DPP6: variants seen among roughly 807,000 people sequenced by gnomAD.
The protein encoded by DPP6 is dipeptidyl peptidase like 6, also known as A-type potassium channel modulatory protein DPP6.
In DPP6, 69 loss-of-function variants were observed where a neutral mutation model predicts 122.6. The observed-to-expected ratio is 0.56, with a 90% CI of 0.46 to 0.69. DPP6 has a LOEUF of 0.69. DPP6 is among the 30% of genes least tolerant of loss of function. DPP6 has a pLI of 0.00. For synonymous variants in DPP6, 418 were observed against 433.1 expected (o/e 0.97, Z 0.43); for missense variants, 928 against 1,116.9 (o/e 0.83, Z 2.41).
intron 1 of DPP6, among the ~76,000 whole-genome samples, chr7:153,887,934 A>C (rs1371088449): frequency 6.6e-6 from 1 of 150,448 alleles, no homozygotes; most frequent in East Asian, 2.0e-4. Context: ...ATTTCTTTGC[A>C]AATTGCAACT....
chr7:153,936,529 G>T (rs1008615239), intron 1 of DPP6, among the ~76,000 whole-genome samples: 20 of 152,260 alleles, frequency 1.3e-4, no homozygotes, highest in African/African-American at 4.8e-4. Flanking sequence ...AGGAATAGCC[G>T]GGCGTGGTGG....
At chr7:153,790,716 A>G in the DPP6 span, among the ~76,000 whole-genome samples, 1 of 152,234 alleles carries the variant, frequency 6.6e-6, no homozygotes, top group African/African-American at 2.4e-5. Context: ...TGTGAACAAA[A>G]GAATATTGAA....
At chr7:153,915,487 A>G (rs2129004979) in intron 1 of DPP6, among the ~76,000 whole-genome samples, 1 of 152,350 alleles carries the variant, frequency 6.6e-6, no homozygotes, top group African/African-American at 2.4e-5. Flanking sequence ...TAGTTTTAGC[A>G]AGATCATCTT....
the DPP6 span, among the ~76,000 whole-genome samples, chr7:153,785,474 T>C: frequency 2.0e-5 from 3 of 152,162 alleles, no homozygotes; most frequent in Non-Finnish European, 2.9e-5. Flanking sequence ...TCTTACCTTT[T>C]CTATTTGTTG....
chr7:154,528,925 T>C (rs189048823), intron 3 of DPP6, among the ~76,000 whole-genome samples: 1 of 152,206 alleles, frequency 6.6e-6, no homozygotes, highest in East Asian at 1.9e-4. Context: ...AGATGCTTTG[T>C]TGGGGTGATA....
chr7:154,634,767 C>T (rs557879985), intron 5 of DPP6, among the ~76,000 whole-genome samples: 1 of 151,828 alleles, frequency 6.6e-6, no homozygotes, highest in African/African-American at 2.4e-5. Context: ...AATTGCTCTC[C>T]CCGTTTCTTA....
At position 154,620,523 on chromosome 7, in the gene DPP6, C is replaced by G. The variant is rs186215823; in HGVS notation, c.628-17298C>G. Reference sequence around the variant, plus strand: ...AAAATTTCACTACACGCAGAATTGCCAATTAGGATGGGAGGCTCAGAAATG... The same window carrying G: ...AAAATTTCACTACACGCAGAATTGCGAATTAGGATGGGAGGCTCAGAAATG... On this transcript the variant is annotated intron_variant, in intron 5 of 25. Transcript: ENST00000377770. Among the ~76,000 whole-genome samples, 216 of 152,256 alleles carry G rather than the reference C, an allele frequency of 1.4e-3. No individual in the cohort carries two copies. In the Middle Eastern group the frequency reaches 0.027, roughly 19 times the overall value.
intron 1 of DPP6, among the ~76,000 whole-genome samples, chr7:154,374,161 A>T (rs1406773107): frequency 6.8e-6 from 1 of 146,842 alleles, no homozygotes; most frequent in East Asian, 1.9e-4. Flanking sequence ...TTTTGGAGTT[A>T]GACAGACTCC....
At chr7:154,305,685 T>C (rs1311702913) in intron 1 of DPP6, 3 of 1,336,100 alleles carry the variant, frequency 2.2e-6, no homozygotes, top group Non-Finnish European at 2.0e-6. Context: ...TTTGTATTGG[T>C]TTATGACTGT....
At chr7:153,982,500 A>T (rs1016258321) in intron 1 of DPP6, among the ~76,000 whole-genome samples, 1 of 151,954 alleles carries the variant, frequency 6.6e-6, no homozygotes, top group Admixed American at 6.6e-5. Context: ...ATGCTCCTTT[A>T]GCTCAGAGGA....
the DPP6 span, among the ~76,000 whole-genome samples, chr7:153,872,618 A>C: frequency 1.3e-5 from 2 of 152,210 alleles, no homozygotes; most frequent in Non-Finnish European, 2.9e-5. Flanking sequence ...CCATGTATAT[A>C]AGTATTTTAC....
chr7:153,822,284 A>G, the DPP6 span, among the ~76,000 whole-genome samples: 1 of 148,170 alleles, frequency 6.7e-6, no homozygotes, highest in African/African-American at 2.5e-5. Flanking sequence ...CCACCTCCCA[A>G]CTTCACGCAA....
chr7:154,080,973 T>A (rs1803957411), intron 1 of DPP6, among the ~76,000 whole-genome samples: 1 of 152,104 alleles, frequency 6.6e-6, no homozygotes, highest in African/African-American at 2.4e-5. Flanking sequence ...GTAAAACAGC[T>A]GAAGCTAAAT....
chr7:154,224,176 A>G (rs924021922), intron 1 of DPP6, among the ~76,000 whole-genome samples: 1 of 148,742 alleles, frequency 6.7e-6, no homozygotes, highest in African/African-American at 2.6e-5. Context: ...GGTTGAGTGG[A>G]GAGAAATGGA....
intron 7 of DPP6, among the ~76,000 whole-genome samples, chr7:154,713,161 G>A (rs1052347297): frequency 2.6e-5 from 4 of 152,258 alleles, no homozygotes; most frequent in Admixed American, 2.0e-4. Context: ...TCACGTCTAG[G>A]TCATGCTGAT....
At chr7:154,258,323 A>T (rs1263782154) in intron 1 of DPP6, among the ~76,000 whole-genome samples, 1 of 152,220 alleles carries the variant, frequency 6.6e-6, no homozygotes, top group African/African-American at 2.4e-5. Context: ...TTATCCCCAT[A>T]ACAATTCAGT....
At chr7:154,212,536 T>C (rs935443181) in intron 1 of DPP6, among the ~76,000 whole-genome samples, 1 of 152,058 alleles carries the variant, frequency 6.6e-6, no homozygotes, top group Non-Finnish European at 1.5e-5. Flanking sequence ...CCTTTAGCCA[T>C]AAATGTATGG....
At chr7:154,627,751 A>G (rs1186102871) in intron 5 of DPP6, among the ~76,000 whole-genome samples, 1 of 152,174 alleles carries the variant, frequency 6.6e-6, no homozygotes, top group Non-Finnish European at 1.5e-5. Context: ...GGGCCCAGAC[A>G]CCAGACAAGA....
chr7:154,337,241 A>C (rs1195363653), intron 1 of DPP6, among the ~76,000 whole-genome samples: 1 of 152,210 alleles, frequency 6.6e-6, no homozygotes, highest in Admixed American at 6.5e-5. Context: ...CTGCCTCCCA[A>C]ATGGAACCCT....
Sources: gnomAD v4.1 joint callset for allele counts (sites outside exome capture counted in the v4.1 genomes callset) on GRCh38, gnomAD v4.1.1 for gene constraint, MANE v1.5 for transcripts, NCBI Gene and HGNC (gene_info 2026-07-23, HGNC 2026-07-21) for gene names.